The following MAD1L1 variants were observed in gnomAD, a reference collection of about 807,000 sequenced individuals.
The protein encoded by MAD1L1 is mitotic spindle assembly checkpoint protein MAD1.
MAD1L1 carries 95 observed loss-of-function variants against 96.9 expected under a neutral mutation model. That is an observed-to-expected ratio of 0.98 (90% CI 0.83 to 1.16). MAD1L1 has a LOEUF of 1.16. Ranked by LOEUF, MAD1L1 falls within the 50% of genes most tolerant of loss-of-function variation. The probability of loss-of-function intolerance (pLI) is 0.00; values close to 1 mark genes in which losing one functional copy is unlikely to be tolerated. For synonymous variants in MAD1L1, 473 were observed against 396.6 expected, an observed-to-expected ratio of 1.19 and a Z score of -2.29; for missense variants, 1,007 against 954.4, an observed-to-expected ratio of 1.06 and a Z score of -0.73.
chr7:1,930,830 G>A (rs1021283341), intron 17 of MAD1L1, among the ~76,000 whole-genome samples: 6 of 152,046 alleles, frequency 3.9e-5, no homozygotes, highest in Non-Finnish European at 7.4e-5. Flanking sequence ...AGACCTGCTG[G>A]CCTGAAGCCC....
intron 11 of MAD1L1, among the ~76,000 whole-genome samples, chr7:2,108,464 A>G (rs1787207518): frequency 6.6e-6 from 1 of 152,194 alleles, no homozygotes; most frequent in Non-Finnish European, 1.5e-5. Flanking sequence ...AATTTACAAC[A>G]CAGTGTTTTT....
intron 10 of MAD1L1, among the ~76,000 whole-genome samples, chr7:2,163,115 T>C (rs373743850): frequency 2.9e-4 from 44 of 152,358 alleles, no homozygotes; most frequent in African/African-American, 1.0e-3. Context: ...AGCTTCCATA[T>C]TTAATTAAAT....
At chr7:2,139,282 C>T (rs909268129) in intron 11 of MAD1L1, among the ~76,000 whole-genome samples, 3 of 152,192 alleles carry the variant, frequency 2.0e-5, no homozygotes, top group African/African-American at 7.2e-5. Flanking sequence ...ATGGGAGCAC[C>T]CTCCCCGCAC....
At chr7:2,015,158 C>T (rs1383619973) in intron 12 of MAD1L1, among the ~76,000 whole-genome samples, 2 of 152,190 alleles carry the variant, frequency 1.3e-5, no homozygotes, top group Admixed American at 6.5e-5. Flanking sequence ...CCGGACCTGT[C>T]GAGGGAGGGG....
At chr7:2,128,102 T>C (rs1290037666) in intron 11 of MAD1L1, among the ~76,000 whole-genome samples, 1 of 152,218 alleles carries the variant, frequency 6.6e-6, no homozygotes, top group African/African-American at 2.4e-5. Flanking sequence ...TGGTCCGGCC[T>C]CATCCCCTGT....
At chr7:2,045,657 C>T (rs920960306) in intron 12 of MAD1L1, among the ~76,000 whole-genome samples, 1 of 151,524 alleles carries the variant, frequency 6.6e-6, no homozygotes, top group Admixed American at 6.6e-5. Flanking sequence ...CCTGGAAAAG[C>T]GACAGTCGCT....
At chr7:1,949,661 C>G (rs1779396796) in intron 16 of MAD1L1, among the ~76,000 whole-genome samples, 1 of 152,240 alleles carries the variant, frequency 6.6e-6, no homozygotes, top group Non-Finnish European at 1.5e-5. Flanking sequence ...CTGTGCTTCC[C>G]TTCTCCTCTA....
chr7:2,012,959 A>G (rs984680764), intron 13 of MAD1L1, among the ~76,000 whole-genome samples: 1 of 152,214 alleles, frequency 6.6e-6, no homozygotes, highest in African/African-American at 2.4e-5. Flanking sequence ...TCTTCCCTGA[A>G]CAGCTGCTGG....
Position 2,103,260 on chromosome 7 carries a change from G to A in MAD1L1, c.1074-33922C>T, listed in dbSNP as rs146780899. ...CGTCCATCCGGCCACGCTGAGGGCCGGGTCGCAGCCCAAGCCATGGCTGCC... is the reference window on the plus strand; with the variant it reads ...CGTCCATCCGGCCACGCTGAGGGCCAGGTCGCAGCCCAAGCCATGGCTGCC... On this transcript the variant is annotated intron_variant, in intron 11 of 18. Coordinates refer to ENST00000265854, the MANE Select transcript of MAD1L1 (RefSeq NM_001013836.2). This position sits in a 1 kb window ranked among gnomAD's most constrained non-coding sequence, Gnocchi z 4.3. 3.3e-4 allele frequency among the ~76,000 whole-genome samples: 50 copies of A among 152,250 alleles called. No homozygotes were observed. Among genetic ancestry groups the A allele is most frequent in the East Asian group, 2.5e-3 (13 of 5,158 alleles).
chr7:1,939,314 T>TAC (rs896122691), intron 16 of MAD1L1, among the ~76,000 whole-genome samples: 1 of 114,278 alleles, frequency 8.8e-6, no homozygotes, highest in Admixed American at 8.7e-5. Context: ...CGCACACACA[T>TAC]ACACACACAC....
chr7:1,892,987 A>C (rs114364489), intron 18 of MAD1L1, among the ~76,000 whole-genome samples: 4,255 of 152,320 alleles, frequency 0.028, 189 homozygotes, highest in African/African-American at 0.096. Flanking sequence ...GAGGTGGGGA[A>C]AATTCCGTGA....
chr7:2,153,303 C>T (rs1164372634), intron 10 of MAD1L1, among the ~76,000 whole-genome samples: 2 of 152,080 alleles, frequency 1.3e-5, no homozygotes, highest in East Asian at 3.8e-4. Context: ...AAGGGACTAA[C>T]ATCCAAAATA....
intron 12 of MAD1L1, among the ~76,000 whole-genome samples, chr7:2,015,329 G>A (rs773570388): frequency 2.0e-5 from 3 of 152,136 alleles, no homozygotes; most frequent in African/African-American, 7.2e-5. Context: ...GAGGCCACAC[G>A]CAGATCCCTA....
At chr7:1,885,831 G>A (rs896743016) in intron 18 of MAD1L1, among the ~76,000 whole-genome samples, 1 of 152,186 alleles carries the variant, frequency 6.6e-6, no homozygotes, top group African/African-American at 2.4e-5. Flanking sequence ...CCCCTAGGCC[G>A]GGTGGGCCCA....
intron 15 of MAD1L1, among the ~76,000 whole-genome samples, chr7:1,963,923 G>A (rs1457177382): frequency 2.6e-5 from 4 of 152,202 alleles, no homozygotes; most frequent in Non-Finnish European, 2.9e-5. Context: ...ACACACCTCC[G>A]GCACCAGCTG....
chr7:2,084,240 G>A (rs945757347), intron 11 of MAD1L1, among the ~76,000 whole-genome samples: 3 of 152,226 alleles, frequency 2.0e-5, no homozygotes, highest in African/African-American at 7.2e-5. Flanking sequence ...TGCTGTGCTG[G>A]TGAATACTGA....
chr7:2,122,789 T>A (rs866060232), intron 11 of MAD1L1, among the ~76,000 whole-genome samples: 1 of 152,122 alleles, frequency 6.6e-6, no homozygotes, highest in East Asian at 1.9e-4. Flanking sequence ...TTGCTAAAGC[T>A]CACCCCCAGG....
chr7:1,839,943 C>A (rs1783154244), intron 18 of MAD1L1, among the ~76,000 whole-genome samples: 1 of 152,240 alleles, frequency 6.6e-6, no homozygotes, highest in Non-Finnish European at 1.5e-5. Context: ...GGCCATCGGC[C>A]CCCCAATCCC....
chr7:1,987,529 T>C (rs1781209555), intron 14 of MAD1L1, among the ~76,000 whole-genome samples: 1 of 149,640 alleles, frequency 6.7e-6, no homozygotes, highest in South Asian at 2.1e-4. Flanking sequence ...TGAGAAGCCG[T>C]GTAGACATAT....
Sources: gnomAD v4.1 joint callset for allele counts (sites outside exome capture counted in the v4.1 genomes callset) on GRCh38, gnomAD v4.1.1 for gene constraint, Gnocchi (gnomAD v3.1) non-coding constraint, MANE v1.5 for transcripts, NCBI Gene and HGNC (gene_info 2026-07-23, HGNC 2026-07-21) for gene names.